The following GHR variants were observed in gnomAD, a reference collection of about 807,000 sequenced individuals.
GHR encodes growth hormone receptor, also known as GH receptor.
GHR carries 35 observed loss-of-function variants against 67.1 expected under a neutral mutation model. The ratio of observed to expected loss-of-function variants is 0.52; its 90% confidence interval spans 0.40 to 0.69. The LOEUF is 0.69. Ranked by LOEUF, GHR falls within the 30% of genes least tolerant of loss-of-function variation. GHR has a pLI of 0.00. For missense variants in GHR, 792 were observed against 764.6 expected (o/e 1.04, Z -0.42); for synonymous variants, 272 against 269.1 (o/e 1.01, Z -0.10).
At position 42,719,748 on chromosome 5, in the gene GHR, T is replaced by G; in HGVS notation, c.*324T>G. The G allele has an allele frequency of 3.1e-6, 1 of 325,044 alleles. No homozygotes were observed. Among genetic ancestry groups the G allele is most frequent in the Non-Finnish European group, 5.9e-6 (1 of 170,742 alleles). The allele number at this position is 325,044 out of a possible 1,614,324, so 20.1% of individuals were successfully genotyped here. On this transcript the variant is annotated 3_prime_UTR_variant, in exon 10 of 10. Coordinates refer to ENST00000230882, the MANE Select transcript of GHR (RefSeq NM_000163.5). ...GGCTATGTTTTTAATGTATAGTAAA[T>G]CACGCTTTTTGAAAAAGCGAAAAAA...
chr5:42,659,600 T>C (rs1481513435), intron 3 of GHR, among the ~76,000 whole-genome samples: 2 of 152,040 alleles, frequency 1.3e-5, no homozygotes, highest in African/African-American at 4.8e-5. Flanking sequence ...GGGTAATTTG[T>C]AAGGAAAAAG....
At position 42,605,120 on chromosome 5, in the gene GHR, A is replaced by G. The variant is rs955862614; in HGVS notation, c.71-23918A>G. 2.2e-4 allele frequency among the ~76,000 whole-genome samples: 28 copies of G among 128,322 alleles called. 1 individual carries two copies. Among genetic ancestry groups the G allele is most frequent in the Admixed American group, 8.3e-5 (1 of 11,980 alleles). 84.2% of individuals were successfully genotyped at this position (128,322 alleles called of 152,430 possible). ...TTTTTTTTTTTTTTTTTTTTGAGACAGAGTTTCACTCTTGTTGCCTAGGCT... is the reference window on the plus strand; with the variant it reads ...TTTTTTTTTTTTTTTTTTTTGAGACGGAGTTTCACTCTTGTTGCCTAGGCT... On this transcript the variant is annotated intron_variant, in intron 2 of 9. Transcript: ENST00000230882.
intron 3 of GHR, among the ~76,000 whole-genome samples, chr5:42,646,646 C>T (rs1754744037): frequency 6.6e-6 from 1 of 152,068 alleles, no homozygotes. Flanking sequence ...ATGTTCTCTG[C>T]ATTTGGATAA....
At position 42,578,744 on chromosome 5, in the gene GHR, A is replaced by G. The variant is rs77644394; in HGVS notation, c.70+12800A>G. 4.5e-3 allele frequency among the ~76,000 whole-genome samples: 683 copies of G among 152,314 alleles called. 23 individuals carry two copies. The East Asian group carries it at 0.075, about 17-fold the overall frequency. On this transcript the variant is annotated intron_variant, in intron 2 of 9. Coordinates refer to ENST00000230882, the MANE Select transcript of GHR (RefSeq NM_000163.5). ...TTCATAATTGTCATTTCTCAGGGAC[A>G]CTACTGAAGTGGTATCAAATCTAAA...
intron 3 of GHR, among the ~76,000 whole-genome samples, chr5:42,685,351 C>A (rs569475390): frequency 1.3e-5 from 2 of 152,270 alleles, no homozygotes; most frequent in East Asian, 3.9e-4. Context: ...CACTGATGGG[C>A]ATTTGGGTTG....
intron 1 of GHR, among the ~76,000 whole-genome samples, chr5:42,480,062 G>T (rs1035634579): frequency 6.6e-6 from 1 of 152,124 alleles, no homozygotes; most frequent in Non-Finnish European, 1.5e-5. Context: ...CTTTGAATGT[G>T]TCCCAGAGAT....
chr5:42,703,849 A>G (rs1014537205), intron 6 of GHR, among the ~76,000 whole-genome samples: 4 of 151,592 alleles, frequency 2.6e-5, no homozygotes, highest in Admixed American at 2.0e-4. Context: ...ATTGTTCCTT[A>G]TTAGTGTATA....
chr5:42,468,687 T>C (rs2112086649), intron 1 of GHR: 2 of 986,758 alleles, frequency 2.0e-6, no homozygotes, highest in Non-Finnish European at 1.6e-6. Flanking sequence ...CGCCTTGGAG[T>C]TGGTCTGGGT....
chr5:42,589,228 T>C lies in GHR; in HGVS notation c.70+23284T>C, dbSNP rs1433779676. On this transcript the variant is annotated intron_variant, in intron 2 of 9. Coordinates refer to ENST00000230882, the MANE Select transcript of GHR (RefSeq NM_000163.5). ...AACATTCAGTATCTCCTACCTTCTGTCTTCCAAAAATCCAAAGAAATAACC... is the reference window on the plus strand; with the variant it reads ...AACATTCAGTATCTCCTACCTTCTGCCTTCCAAAAATCCAAAGAAATAACC... 2.0e-5 allele frequency among the ~76,000 whole-genome samples: 3 copies of C among 152,240 alleles called. No homozygotes were observed. The East Asian group carries it at 5.8e-4, about 29-fold the overall frequency.
rs151230451 is a variant in GHR at position 42,709,712 on chromosome 5, A to G, written c.619-1495A>G. On this transcript the variant is annotated intron_variant, in intron 6 of 9. Coordinates refer to ENST00000230882, the MANE Select transcript of GHR (RefSeq NM_000163.5). The stretch of plus-strand genomic sequence containing the variant: ...ACAATGAAACATAATTAATAATAGA[A>G]GAAGTATATTATCTGGCAGAATAGA... Among the ~76,000 whole-genome samples, 192 of 152,238 alleles carry G rather than the reference A, an allele frequency of 1.3e-3. 1 individual carries two copies. The highest frequency in any genetic ancestry group is 4.3e-3 in the African/African-American group (179 of 41,528).
chr5:42,487,997 C>T (rs1353164450), intron 1 of GHR, among the ~76,000 whole-genome samples: 1 of 152,138 alleles, frequency 6.6e-6, no homozygotes, highest in Non-Finnish European at 1.5e-5. Context: ...GATAGAACAG[C>T]TCTTAACATG....
rs12517368 is a variant in GHR, at chr5:42,468,758, T to G, written c.-12+44803T>G. On this transcript the variant is annotated intron_variant, in intron 1 of 9. Coordinates refer to ENST00000230882, the MANE Select transcript of GHR (RefSeq NM_000163.5). Reference sequence around the variant, plus strand: ...CCGCCCCCGCCAGCTTCTTTTTTCTTGTTCTCTCCTGCCTTCAGCACCTCG... The same window carrying G: ...CCGCCCCCGCCAGCTTCTTTTTTCTGGTTCTCTCCTGCCTTCAGCACCTCG... The G allele has an allele frequency of 2.8e-6, 3 of 1,061,120 alleles. No individual in the cohort carries two copies. In the African/African-American group the frequency reaches 4.7e-5, roughly 17 times the overall value. The allele number at this position is 1,061,120 out of a possible 1,614,324, so 65.7% of individuals were successfully genotyped here. A position where few individuals can be genotyped will look rare whatever the true frequency, so the allele number is the denominator to read the frequency against.
chr5:42,467,948 A>G lies in GHR; in HGVS notation c.-12+43993A>G, dbSNP rs924981708. 16 of 717,186 alleles carry G rather than the reference A, an allele frequency of 2.2e-5. No individual in the cohort carries two copies. The African/African-American group carries it at 2.3e-4, about 10-fold the overall frequency. 44.4% of individuals were successfully genotyped at this position (717,186 alleles called of 1,614,324 possible). ...ACAGTCATTCACTATGACTTATCTG[A>G]AATCTTTCCTTTCCCTCCTTATTCT... On this transcript the variant is annotated intron_variant, in intron 1 of 9. Coordinates refer to ENST00000230882, the MANE Select transcript of GHR (RefSeq NM_000163.5).
At chr5:42,501,063 C>T (rs1439670411) in intron 1 of GHR, among the ~76,000 whole-genome samples, 1 of 152,140 alleles carries the variant, frequency 6.6e-6, no homozygotes, top group Non-Finnish European at 1.5e-5. Flanking sequence ...AAGACTGTCA[C>T]AGGTGTTTGC....
intron 1 of GHR, among the ~76,000 whole-genome samples, chr5:42,471,233 A>G (rs917971940): frequency 9.2e-5 from 14 of 152,172 alleles, no homozygotes; most frequent in African/African-American, 3.4e-4. Flanking sequence ...ACTGGCTTTC[A>G]TGGTCCTTAA....
At chr5:42,534,238 GTA>G (rs1186433188) in intron 1 of GHR, among the ~76,000 whole-genome samples, 1 of 114,710 alleles carries the variant, frequency 8.7e-6, no homozygotes, top group African/African-American at 4.8e-5. Context: ...GTGTATATGT[GTA>G]TATATGTATA....
At chr5:42,647,421 A>T (rs1165915375) in intron 3 of GHR, among the ~76,000 whole-genome samples, 1 of 152,006 alleles carries the variant, frequency 6.6e-6, no homozygotes, top group Admixed American at 6.6e-5. Context: ...AAAAATAAAA[A>T]AATATAGCTG....
intron 2 of GHR, among the ~76,000 whole-genome samples, chr5:42,575,718 T>C (rs914185291): frequency 6.7e-6 from 1 of 150,326 alleles, no homozygotes; most frequent in Non-Finnish European, 1.5e-5. Context: ...AAACCACACA[T>C]GAAGCCTGCA....
chr5:42,636,189 G>A (rs1021685411), intron 3 of GHR, among the ~76,000 whole-genome samples: 1 of 123,860 alleles, frequency 8.1e-6, no homozygotes, highest in African/African-American at 3.2e-5. Flanking sequence ...CAGCCTGGGC[G>A]ACAGAGCGAG....
Sources: allele counts gnomAD v4.1 joint callset (sites outside exome capture counted in the v4.1 genomes callset), GRCh38; gene constraint gnomAD v4.1.1; transcripts MANE v1.5; gene names NCBI Gene and HGNC (gene_info 2026-07-23, HGNC 2026-07-21).